Variants in ENPP1 observed in about 807,000 individuals in gnomAD.
ENPP1 encodes the protein ectonucleotide pyrophosphatase/phosphodiesterase 1.
In ENPP1, 73 loss-of-function variants were observed where a neutral mutation model predicts 122.8. The ratio of observed to expected loss-of-function variants is 0.59; its 90% CI spans 0.49 to 0.72. The LOEUF (loss-of-function observed/expected upper bound fraction) is 0.72. Ranked by LOEUF, ENPP1 falls within the 30% of genes least tolerant of loss-of-function variation. The probability of loss-of-function intolerance (pLI) is 0.00; values close to 1 mark genes in which losing one functional copy is unlikely to be tolerated. For missense variants in ENPP1, 978 were observed against 1,128.1 expected (o/e 0.87, Z 1.91); for synonymous variants, 367 against 391.6 (o/e 0.94, Z 0.74).
At chr6:131,846,754 G>A (rs1585812366) in intron 1 of ENPP1, among the ~76,000 whole-genome samples, 2 of 152,252 alleles carry the variant, frequency 1.3e-5, no homozygotes, top group East Asian at 1.9e-4. Flanking sequence ...TTATTGAGGT[G>A]CCCTGTAATC....
At position 131,855,003 on chromosome 6, in the gene ENPP1, T is replaced by A; in HGVS notation, c.695T>A (p.Leu232His). The change falls in exon 6 of 25, where the codon CTT becomes CAT. Residue 232 changes from leucine (L) to histidine (H), a missense_variant. Coordinates refer to ENST00000647893, the MANE Select transcript of ENPP1 (RefSeq NM_006208.3). ...TATTTACACACTTGGGGTGGACTTC[T>A]TCCTGTTATTAGCAAACTAAGTGAG... ...AEYLHTWGGL[L>H]PVISKLKKCG... 2.5e-6 allele frequency: 4 copies of A among 1,610,714 alleles called. No homozygotes were observed. The highest frequency in any genetic ancestry group is 3.4e-6 in the Non-Finnish European group (4 of 1,176,934).
intron 16 of ENPP1, among the ~76,000 whole-genome samples, chr6:131,875,485 G>A (rs889732987): frequency 6.6e-6 from 1 of 151,982 alleles, no homozygotes; most frequent in African/African-American, 2.4e-5. Context: ...AGGTGGGCAG[G>A]ATGAGGTTTA....
Position 131,869,340 on chromosome 6 carries a change from A to ATT in ENPP1, c.1274-9_1274-8dup, listed in dbSNP as rs149287352. 4 of 1,540,648 alleles carry ATT rather than the reference A, an allele frequency of 2.6e-6. No homozygotes were observed. Among genetic ancestry groups the ATT allele is most frequent in the African/African-American group, 2.7e-5 (2 of 72,808 alleles). On this transcript the variant is annotated splice_polypyrimidine_tract_variant and intron_variant, in intron 12 of 24. Coordinates refer to ENST00000647893, the MANE Select transcript of ENPP1 (RefSeq NM_006208.3). ...TGTTAAAGTTACAGCATGTTTTGGG[A>ATT]TTTTTTTTTTCTCCTAGGCATGGAA...
chr6:131,834,668 T>C (rs574525594), intron 1 of ENPP1, among the ~76,000 whole-genome samples: 10 of 152,178 alleles, frequency 6.6e-5, no homozygotes, highest in Non-Finnish European at 5.9e-5. Flanking sequence ...GTTGCTAGGA[T>C]TACAGGCGTG....
In ENPP1 at chr6:131,875,857, A is replaced by C. The variant is rs1218439721; in HGVS notation, c.1717A>C (p.Met573Leu). 6 of 1,611,832 alleles carry C rather than the reference A, an allele frequency of 3.7e-6. No homozygotes were observed. Among genetic ancestry groups the C allele is most frequent in the Admixed American group, 1.7e-5 (1 of 59,994 alleles). Residue 573 changes from methionine to leucine, a missense_variant, in exon 17 of 25, where the codon ATG (methionine) becomes CTG (leucine). Physicochemically the swap from Met to Leu is conservative, Grantham distance 15. Around this residue, in one of 3 missense-constraint regions of ENPP1, gnomAD observed 644 missense variants for 781.5 expected, o/e 0.82. Transcript: ENST00000647893. The stretch of plus-strand genomic sequence containing the variant: ...TGAAAACATTGAAGTCTATAACTTA[A>C]TGTGTGGTAAGTGTGAACAGGTGCC... The part of the protein sequence containing the change: ...TFENIEVYNL[M>L]CDLLNLTPAP...
intron 1 of ENPP1, among the ~76,000 whole-genome samples, chr6:131,821,212 G>C (rs1337555846): frequency 1.3e-5 from 2 of 152,154 alleles, no homozygotes; most frequent in Non-Finnish European, 2.9e-5. Context: ...TCAGAGGTTT[G>C]TCTGAACAAT....
chr6:131,826,595 T>A, intron 1 of ENPP1: 1 of 1,065,206 alleles, frequency 9.4e-7, no homozygotes, highest in African/African-American at 1.6e-5. Context: ...GAGTATGGAA[T>A]GCATTCCAGG....
In ENPP1 at chr6:131,813,817, G is replaced by A. The variant is rs77789844; in HGVS notation, c.240+5542G>A. ...TTTGAGGTTTCTCTGGGGTTTCCTT[G>A]GCAGAGAGTGGGTCCACTCAGTTGG... On this transcript the variant is annotated intron_variant, in intron 1 of 24. Coordinates refer to ENST00000647893, the MANE Select transcript of ENPP1 (RefSeq NM_006208.3). Among the ~76,000 whole-genome samples, 634 of 152,190 alleles carry A rather than the reference G, an allele frequency of 4.2e-3. 10 individuals are homozygous for A. The highest frequency in any genetic ancestry group is 0.015 in the African/African-American group (609 of 41,520).
chr6:131,873,123 C>T (rs895254767), intron 15 of ENPP1, 73 bp downstream of exon 15: 71 of 1,489,448 alleles, frequency 4.8e-5, no homozygotes, highest in Non-Finnish European at 6.3e-5. Context: ...TGGGCCCTTT[C>T]TAACAATATT....
At chr6:131,849,770 G>A (rs1472124023) in intron 2 of ENPP1, among the ~76,000 whole-genome samples, 1 of 152,094 alleles carries the variant, frequency 6.6e-6, no homozygotes, top group African/African-American at 2.4e-5. Context: ...TCCTACATCA[G>A]GAGATAAAAA....
intron 5 of ENPP1, among the ~76,000 whole-genome samples, chr6:131,853,492 T>C (rs899333731): frequency 1.3e-4 from 20 of 152,186 alleles, no homozygotes; most frequent in Admixed American, 1.3e-3. Flanking sequence ...TATGTTTACG[T>C]GATGGCCCAC....
intron 1 of ENPP1, among the ~76,000 whole-genome samples, chr6:131,817,754 T>TACACACACACACAC (rs138209749): frequency 1.5e-3 from 214 of 146,440 alleles, no homozygotes; most frequent in Middle Eastern, 0.011. Context: ...TCTCTCTCCA[T>TACACACACACACAC]ACACACACAC....
Position 131,890,402 on chromosome 6 carries a change from C to T in ENPP1, c.2669C>T (p.Thr890Ile), listed in dbSNP as rs1286372317. 1 of 1,612,898 alleles carries T rather than the reference C, an allele frequency of 6.2e-7. No homozygotes were observed. Among genetic ancestry groups the T allele is most frequent in the African/African-American group, 1.3e-5 (1 of 74,888 alleles). The stretch of plus-strand genomic sequence containing the variant: ...TTAATGTTACACAGAGCACGGATCA[C>T]AGATGTTGAGCACATCACTGGACTC... ...ELLMLHRARI[T>I]DVEHITGLSF... is the part of the protein sequence containing the mutation. The change falls in exon 25 of 25, where the codon ACA (threonine) becomes ATA (isoleucine). Residue 890 changes from threonine to isoleucine, a missense_variant. By Grantham distance (89) the Thr-to-Ile change is moderately conservative. Around this residue, in one of 3 missense-constraint regions of ENPP1, gnomAD observed 644 missense variants for 781.5 expected, o/e 0.82. Coordinates refer to ENST00000647893, the MANE Select transcript of ENPP1 (RefSeq NM_006208.3).
At chr6:131,813,112 A>G (rs1277312022) in intron 1 of ENPP1, among the ~76,000 whole-genome samples, 3 of 152,122 alleles carry the variant, frequency 2.0e-5, no homozygotes, top group African/African-American at 7.2e-5. Context: ...AAGTGCTATG[A>G]TTATAGGCGT....
intron 1 of ENPP1, among the ~76,000 whole-genome samples, chr6:131,838,438 G>C (rs1781702724): frequency 6.6e-6 from 1 of 152,008 alleles, no homozygotes; most frequent in Non-Finnish European, 1.5e-5. Flanking sequence ...GATGAAAGCT[G>C]AGAAGAAAAA....
intron 1 of ENPP1, among the ~76,000 whole-genome samples, chr6:131,810,870 C>G (rs1781341263): frequency 6.6e-6 from 1 of 152,092 alleles, no homozygotes; most frequent in African/African-American, 2.4e-5. Flanking sequence ...CCTGGCTTCT[C>G]CCCATTGTGG....
chr6:131,830,982 A>G (rs1386537940), intron 1 of ENPP1, among the ~76,000 whole-genome samples: 1 of 151,832 alleles, frequency 6.6e-6, no homozygotes, highest in East Asian at 1.9e-4. Context: ...GCATAGTGGC[A>G]TGTACCTGTA....
rs536903196 is a variant in ENPP1, at chr6:131,886,654, T to G, written c.2537T>G (p.Leu846Trp). ...TGTAAAGATACATCTCAGACGCCTT[T>G]GCACTGTGAAAACCTAGACACCTTA... ...TSCKDTSQTP[L>W]HCENLDTLAF... The change falls in exon 24 of 25, where the codon TTG (leucine) becomes TGG (tryptophan). Residue 846 changes from leucine to tryptophan, a missense_variant. Leu to Trp is a moderately conservative substitution (Grantham distance 61, BLOSUM62 -2). This residue lies in a region of ENPP1 where 644 missense variants were observed against 781.5 expected (regional missense o/e 0.82). Transcript: ENST00000647893. 6.2e-7 allele frequency: 1 copy of G among 1,614,080 alleles called. No individual in the cohort carries two copies. Among genetic ancestry groups the G allele is most frequent in the African/African-American group, 1.3e-5 (1 of 75,058 alleles).
At chr6:131,873,586 T>C (rs1782190624) in intron 15 of ENPP1, among the ~76,000 whole-genome samples, 1 of 152,162 alleles carries the variant, frequency 6.6e-6, no homozygotes, top group Non-Finnish European at 1.5e-5. Flanking sequence ...TTCATTCTTC[T>C]TATACTAATC....
Sources: gnomAD v4.1 joint callset for allele counts (sites outside exome capture counted in the v4.1 genomes callset) on GRCh38, gnomAD v4.1.1 for gene constraint, gnomAD v4.1.1 regional missense constraint, MANE v1.5 for transcripts, NCBI Gene and HGNC (gene_info 2026-07-23, HGNC 2026-07-21) for gene names.